GLIS1: variants seen among roughly 807,000 people sequenced by gnomAD.
GLIS1 encodes GLIS family zinc finger 1.
GLIS1 carries 24 observed loss-of-function variants against 63.8 expected under a neutral mutation model. The observed-to-expected ratio is 0.38, with a 90% CI of 0.27 to 0.53. The LOEUF (loss-of-function observed/expected upper bound fraction) is 0.53, where lower values mean the gene tolerates loss of function less well. GLIS1 is among the 20% of genes least tolerant of loss of function. GLIS1 has a pLI of 0.85. For synonymous variants in GLIS1, 450 were observed against 482.5 expected (o/e 0.93, Z 0.88); for missense variants, 1,036 against 1,074.1 (o/e 0.96, Z 0.50).
intron 4 of GLIS1, among the ~76,000 whole-genome samples, chr1:53,568,705 T>C (rs994212577): frequency 2.0e-5 from 3 of 152,194 alleles, no homozygotes; most frequent in Admixed American, 2.0e-4. Flanking sequence ...TTTAAAAGTG[T>C]GTGGCACCTC....
intron 4 of GLIS1, among the ~76,000 whole-genome samples, chr1:53,533,874 G>A (rs181911919): frequency 1.3e-5 from 2 of 152,264 alleles, no homozygotes; most frequent in East Asian, 3.9e-4. Context: ...GGTTCTGCTG[G>A]GCCTGGTGCT....
rs558250692 is a variant in GLIS1 at position 53,598,426 on chromosome 1, T to C, written c.437+1675A>G. Among the ~76,000 whole-genome samples the C allele has an allele frequency of 6.6e-6, 1 of 152,078 alleles. No individual in the cohort carries two copies. Among genetic ancestry groups the C allele is most frequent in the East Asian group, 1.9e-4 (1 of 5,170 alleles). Reference sequence around the variant, plus strand: ...GGCACACGCCTGTAGTCTCAGCTGCTGGAGTGGCTGAGGTGGCAGGATCAC... The same window carrying C: ...GGCACACGCCTGTAGTCTCAGCTGCCGGAGTGGCTGAGGTGGCAGGATCAC... On this transcript the variant is annotated intron_variant, in intron 3 of 10. Transcript: ENST00000628545. This position sits in a 1 kb window ranked among gnomAD's most constrained non-coding sequence, Gnocchi z 4.6.
intron 2 of GLIS1, among the ~76,000 whole-genome samples, chr1:53,722,875 G>A (rs978098351): frequency 4.0e-5 from 6 of 149,034 alleles, no homozygotes; most frequent in Non-Finnish European, 7.4e-5. Flanking sequence ...GTTCACACCT[G>A]TAATCCCAGC....
chr1:53,735,637 G>A (rs957068244), intron 2 of GLIS1, among the ~76,000 whole-genome samples: 2 of 152,206 alleles, frequency 1.3e-5, no homozygotes, highest in Non-Finnish European at 2.9e-5. Flanking sequence ...CATAGATGGT[G>A]GGGTCTCACA....
intron 2 of GLIS1, among the ~76,000 whole-genome samples, chr1:53,689,768 C>A (rs1045827035): frequency 2.1e-4 from 32 of 152,168 alleles, no homozygotes; most frequent in Non-Finnish European, 2.1e-4. Flanking sequence ...TGTGTTACCC[C>A]CACCAGGCCC....
intron 2 of GLIS1, among the ~76,000 whole-genome samples, chr1:53,673,629 C>T (rs1049429023): frequency 3.3e-5 from 5 of 152,246 alleles, no homozygotes; most frequent in African/African-American, 1.2e-4. Flanking sequence ...TCTCAGTCAC[C>T]CAGCTCAGGG....
rs553263285 is a variant in GLIS1, at chr1:53,538,968, C to T, written c.1321-9016G>A. Among the ~76,000 whole-genome samples the T allele has an allele frequency of 2.0e-5, 3 of 152,220 alleles. No individual in the cohort carries two copies. The South Asian group carries it at 6.2e-4, about 32-fold the overall frequency. On this transcript the variant is annotated intron_variant, in intron 4 of 10. Transcript: ENST00000628545. ...GTAGGAGGTGCAGGAGGGGCTGAGT[C>T]AGCTTCTCTTGGGCCCAAGTGGACA...
At chr1:53,529,414 C>T (rs1409804990) in intron 5 of GLIS1, among the ~76,000 whole-genome samples, 1 of 152,184 alleles carries the variant, frequency 6.6e-6, no homozygotes, top group Non-Finnish European at 1.5e-5. Context: ...GGGGAGGGGA[C>T]ACAGGAAGGC....
rs188661579 is a variant in GLIS1, at chr1:53,680,229, C to T, written c.259+57577G>A. On this transcript the variant is annotated intron_variant, in intron 2 of 10. Coordinates refer to ENST00000628545, the MANE Select transcript of GLIS1 (RefSeq NM_001367484.1). ...GATCAAATACGGCATTTGTCCTTAA[C>T]GTCTTCATAAGGAAAGGCAAGGAGG... is the stretch of plus-strand genomic sequence containing the variant. Among the ~76,000 whole-genome samples, 91 of 152,206 alleles carry T rather than the reference C, an allele frequency of 6.0e-4. No individual in the cohort carries two copies. In the East Asian group the frequency reaches 0.011, roughly 18 times the overall value.
rs1645844618 is a variant in GLIS1, at chr1:53,646,408, C to T, written c.260-46130G>A. Among the ~76,000 whole-genome samples the T allele has an allele frequency of 6.6e-6, 1 of 152,082 alleles. No homozygotes were observed. The highest frequency in any genetic ancestry group is 2.4e-5 in the African/African-American group (1 of 41,414). ...CAAAACTCAATTATATACTTATCTA[C>T]AATAAACAGTAAAGGGAATTTTTTA... On this transcript the variant is annotated intron_variant, in intron 2 of 10. Transcript: ENST00000628545. This position sits in a 1 kb window ranked among gnomAD's most constrained non-coding sequence, Gnocchi z 4.2.
At chr1:53,522,324 C>T (rs1644418888) in intron 6 of GLIS1, among the ~76,000 whole-genome samples, 1 of 152,224 alleles carries the variant, frequency 6.6e-6, no homozygotes, top group Non-Finnish European at 1.5e-5. Flanking sequence ...GGGAAGTTTG[C>T]AGATCTGTGG....
Position 53,532,287 on chromosome 1 carries a change from C to A in GLIS1, c.1321-2335G>T, listed in dbSNP as rs115812528. On this transcript the variant is annotated intron_variant, in intron 4 of 10. Coordinates refer to ENST00000628545, the MANE Select transcript of GLIS1 (RefSeq NM_001367484.1). ...CAGAGGAGGGTCACCAACGCCCCAT[C>A]CAGGGCAGAGGTGGCAGATGGAGCA... Among the ~76,000 whole-genome samples the A allele has an allele frequency of 2.6e-3, 394 of 152,302 alleles. 2 individuals are homozygous for A. Among genetic ancestry groups the A allele is most frequent in the African/African-American group, 9.2e-3 (383 of 41,564 alleles).
At chr1:53,577,523 T>C (rs1645044351) in intron 4 of GLIS1, among the ~76,000 whole-genome samples, 1 of 152,084 alleles carries the variant, frequency 6.6e-6, no homozygotes, top group Non-Finnish European at 1.5e-5. Context: ...GTGCGGGAAG[T>C]GAAGTTGTAA....
At chr1:53,522,304 G>A (rs1644418662) in intron 6 of GLIS1, among the ~76,000 whole-genome samples, 1 of 152,258 alleles carries the variant, frequency 6.6e-6, no homozygotes, top group Admixed American at 6.5e-5. Context: ...CTTAATGGAT[G>A]CTTATTGTTG....
intron 10 of GLIS1, among the ~76,000 whole-genome samples, chr1:53,507,661 T>G (rs943139976): frequency 6.6e-6 from 1 of 152,186 alleles, no homozygotes; most frequent in Non-Finnish European, 1.5e-5. Flanking sequence ...CTGTGTGTGA[T>G]TTTTGCTTGA....
chr1:53,633,251 G>A (rs1645686139), intron 2 of GLIS1, among the ~76,000 whole-genome samples: 1 of 148,512 alleles, frequency 6.7e-6, no homozygotes, highest in Admixed American at 6.7e-5. Flanking sequence ...GTGAAGGGGC[G>A]TGTGAATATG....
intron 1 of GLIS1, among the ~76,000 whole-genome samples, chr1:53,738,724 A>G (rs1158509155): frequency 6.6e-6 from 1 of 152,136 alleles, no homozygotes; most frequent in East Asian, 1.9e-4. Flanking sequence ...GGACACCCAC[A>G]TTCCTATGCG....
At chr1:53,523,720 C>T (rs1043434012) in intron 6 of GLIS1, among the ~76,000 whole-genome samples, 2 of 152,198 alleles carry the variant, frequency 1.3e-5, no homozygotes, top group Non-Finnish European at 2.9e-5. Flanking sequence ...TCCCTCCTGC[C>T]ATGGCCCAGT....
chr1:53,654,010 T>A (rs1645937094), intron 2 of GLIS1, among the ~76,000 whole-genome samples: 1 of 151,646 alleles, frequency 6.6e-6, no homozygotes, highest in Non-Finnish European at 1.5e-5. Flanking sequence ...TCCCCCACCA[T>A]GGGGCAGACA....
Sources: gnomAD v4.1 joint callset for allele counts (sites outside exome capture counted in the v4.1 genomes callset) on GRCh38, gnomAD v4.1.1 for gene constraint, Gnocchi (gnomAD v3.1) non-coding constraint, MANE v1.5 for transcripts, NCBI Gene and HGNC (gene_info 2026-07-23, HGNC 2026-07-21) for gene names.